The following ECT2L variants were observed in gnomAD, a reference collection of about 807,000 sequenced individuals.
ECT2L encodes the protein epithelial cell-transforming sequence 2 oncogene-like.
ECT2L carries 126 observed loss-of-function variants against 122.8 expected under a neutral mutation model. The ratio of observed to expected loss-of-function variants is 1.03; its 90% CI spans 0.89 to 1.19. The LOEUF (loss-of-function observed/expected upper bound fraction) is 1.19, where lower values mean the gene tolerates loss of function less well. Among genes scored for constraint, ECT2L ranks in the 50% most tolerant of loss-of-function variants. The probability of loss-of-function intolerance (pLI) is 0.00; values close to 1 mark genes in which losing one functional copy is unlikely to be tolerated. For synonymous variants in ECT2L, 385 were observed against 381.8 expected, an observed-to-expected ratio of 1.01 and a Z score of -0.10; for missense variants, 1,012 against 1,064.1, an observed-to-expected ratio of 0.95 and a Z score of 0.68.
At chr6:138,816,573 C>G (rs752784748) in intron 4 of ECT2L, among the ~76,000 whole-genome samples, 5 of 152,026 alleles carry the variant, frequency 3.3e-5, no homozygotes, top group Non-Finnish European at 7.4e-5. Flanking sequence ...CAAGCTCTGC[C>G]CCCGGGGTTC....
At position 138,889,912 on chromosome 6, in the gene ECT2L, A is replaced by G. The variant is rs537756644; in HGVS notation, c.2414+881A>G. The stretch of plus-strand genomic sequence containing the variant: ...TATTTCAGATTTTGCTGGCCAAATG[A>G]TATCTGTGGCAACTACCCAACTTTG... On this transcript the variant is annotated intron_variant, in intron 20 of 21. Coordinates refer to ENST00000541398, the MANE Select transcript of ECT2L (RefSeq NM_001077706.3). Among the ~76,000 whole-genome samples, 8 of 152,224 alleles carry G rather than the reference A, an allele frequency of 5.3e-5. No homozygotes were observed. The Middle Eastern group carries it at 0.01, about 194-fold the overall frequency.
rs572238663 is a variant in ECT2L at position 138,858,444 on chromosome 6, A to G, written c.1199-4183A>G. Reference sequence around the variant, plus strand: ...TTTTTGGCATTAAAAACATTTTTAAACAGCATTATTGAAATATAATTAATA... The same window carrying G: ...TTTTTGGCATTAAAAACATTTTTAAGCAGCATTATTGAAATATAATTAATA... On this transcript the variant is annotated intron_variant, in intron 10 of 21. Transcript: ENST00000541398. Among the ~76,000 whole-genome samples, 4 of 152,314 alleles carry G rather than the reference A, an allele frequency of 2.6e-5. No individual in the cohort carries two copies. The South Asian group carries it at 8.3e-4, about 32-fold the overall frequency.
At chr6:138,852,715 G>A (rs1033091151) in intron 9 of ECT2L, among the ~76,000 whole-genome samples, 1 of 152,178 alleles carries the variant, frequency 6.6e-6, no homozygotes, top group Non-Finnish European at 1.5e-5. Context: ...GGCAAGTTGT[G>A]TTCCACATCA....
chr6:138,850,994 C>CAAAAAAAAAAAAAAAAAAAAAAA (rs34453938), intron 9 of ECT2L, among the ~76,000 whole-genome samples: 1 of 57,770 alleles, frequency 1.7e-5, no homozygotes, highest in African/African-American at 6.4e-5. Flanking sequence ...AACTCCATCT[C>CAAAAAAAAAAAAAAAAAAAAAAA]AAAAAAAAAA....
chr6:138,854,104 C>G lies in ECT2L; in HGVS notation c.1148C>G (p.Thr383Ser). The change falls in exon 10 of 22, where the codon ACT (threonine) becomes AGT (serine). Residue 383 changes from threonine (T) to serine (S), a missense_variant. Coordinates refer to ENST00000541398, the MANE Select transcript of ECT2L (RefSeq NM_001077706.3). Reference sequence around the variant, plus strand: ...GAGAAATTAGGAAGCTATGTGGCCACTGAAGAAGAAGGGGGTCACGTGGAC... The same window carrying G: ...GAGAAATTAGGAAGCTATGTGGCCAGTGAAGAAGAAGGGGGTCACGTGGAC... ...FWEKLGSYVATEEEGGHVDFF... is the reference protein window; with the variant it reads ...FWEKLGSYVASEEEGGHVDFF... 6.2e-7 allele frequency: 1 copy of G among 1,614,146 alleles called. No individual in the cohort carries two copies. Among genetic ancestry groups the G allele is most frequent in the Non-Finnish European group, 8.5e-7 (1 of 1,180,024 alleles).
At chr6:138,833,824 A>T (rs542225279) in intron 4 of ECT2L, among the ~76,000 whole-genome samples, 1,339 of 38,862 alleles carry the variant, frequency 0.034, 10 homozygotes, top group Middle Eastern at 0.16. Context: ...ATAAATAATT[A>T]AAAAAAAATG....
At chr6:138,890,029 A>C (rs1396802462) in intron 20 of ECT2L, among the ~76,000 whole-genome samples, 1 of 152,338 alleles carries the variant, frequency 6.6e-6, no homozygotes, top group East Asian at 1.9e-4. Flanking sequence ...ATGAACAAAC[A>C]TGACTATGTT....
At chr6:138,863,437 T>C (rs1777909099) in intron 11 of ECT2L, among the ~76,000 whole-genome samples, 1 of 152,186 alleles carries the variant, frequency 6.6e-6, no homozygotes, top group South Asian at 2.1e-4. Context: ...TCTTTGTAGA[T>C]ATAACAAAAG....
intron 10 of ECT2L, among the ~76,000 whole-genome samples, chr6:138,860,358 A>T (rs1350972533): frequency 2.0e-5 from 3 of 151,754 alleles, no homozygotes; most frequent in Non-Finnish European, 4.4e-5. Flanking sequence ...TTTTTTTTAC[A>T]TATGGCTAGT....
intron 4 of ECT2L, among the ~76,000 whole-genome samples, chr6:138,818,796 C>T (rs901820773): frequency 6.6e-6 from 1 of 152,052 alleles, no homozygotes; most frequent in South Asian, 2.1e-4. Context: ...ACAGGACTCT[C>T]GCTGATGACA....
In ECT2L at chr6:138,843,217, T is replaced by C. The variant is rs533898130; in HGVS notation, c.581T>C (p.Ile194Thr). ...KCLRKRIWEK[I>T]ALRKKELFKV... ...CTGAGGAAAAGAATTTGGGAGAAAA[T>C]TGCACTACGTAAGAGTAAGTAGCAT... Residue 194 changes from isoleucine to threonine, a missense_variant, in exon 6 of 22, where the codon ATT becomes ACT. Transcript: ENST00000541398. The C allele has an allele frequency of 4.4e-5, 70 of 1,607,974 alleles. No individual in the cohort carries two copies. The East Asian group carries it at 1.5e-3, about 35-fold the overall frequency.
At chr6:138,847,469 C>T (rs892964255) in intron 8 of ECT2L, among the ~76,000 whole-genome samples, 3 of 137,096 alleles carry the variant, frequency 2.2e-5, no homozygotes, top group Non-Finnish European at 4.6e-5. Context: ...CTCCCGGGTT[C>T]ACACCATTCT....
chr6:138,886,122 G>A (rs748281733), intron 18 of ECT2L, among the ~76,000 whole-genome samples: 473 of 126,106 alleles, frequency 3.8e-3, no homozygotes, highest in Non-Finnish European at 7.0e-3. Flanking sequence ...CAACTAAAAG[G>A]CAAAAAAAAA....
At chr6:138,872,473 G>C (rs553275082) in intron 13 of ECT2L, among the ~76,000 whole-genome samples, 1 of 152,320 alleles carries the variant, frequency 6.6e-6, no homozygotes, top group South Asian at 2.1e-4. Context: ...CCCAGGGTGG[G>C]AACGCCAGAT....
intron 5 of ECT2L, among the ~76,000 whole-genome samples, chr6:138,839,002 G>A (rs964237089): frequency 6.6e-6 from 1 of 152,104 alleles, no homozygotes; most frequent in Non-Finnish European, 1.5e-5. Context: ...GGCTTGTCTC[G>A]CACTCCTGAC....
intron 4 of ECT2L, among the ~76,000 whole-genome samples, chr6:138,824,896 C>G (rs1307704803): frequency 1.3e-5 from 2 of 152,222 alleles, no homozygotes; most frequent in East Asian, 3.8e-4. Context: ...GCTCCACCCC[C>G]CGGAACCACA....
chr6:138,821,746 G>A (rs546854804), intron 4 of ECT2L, among the ~76,000 whole-genome samples: 250 of 152,358 alleles, frequency 1.6e-3, no homozygotes, highest in Non-Finnish European at 2.7e-3. Context: ...ACTCAACAGT[G>A]AGCAGAGCGG....
intron 11 of ECT2L, 58 bp from the exon 12 acceptor site, chr6:138,864,938 G>A (rs1389524333): frequency 2.7e-6 from 4 of 1,504,932 alleles, no homozygotes; most frequent in Non-Finnish European, 3.6e-6. Context: ...TAAACAAGAT[G>A]TAGAATTGTT....
At chr6:138,824,771 C>T (rs1776385532) in intron 4 of ECT2L, among the ~76,000 whole-genome samples, 1 of 152,112 alleles carries the variant, frequency 6.6e-6, no homozygotes, top group Non-Finnish European at 1.5e-5. Context: ...GTACCCCAGA[C>T]ATGTCACTCT....
Sources: gnomAD v4.1 joint callset for allele counts (sites outside exome capture counted in the v4.1 genomes callset) on GRCh38, gnomAD v4.1.1 for gene constraint, MANE v1.5 for transcripts, NCBI Gene and HGNC (gene_info 2026-07-23, HGNC 2026-07-21) for gene names.